The following GRM8 variants were observed in gnomAD, a reference collection of about 807,000 sequenced individuals.
The protein encoded by GRM8 is metabotropic glutamate receptor 8.
GRM8 carries 47 observed loss-of-function variants against 87.2 expected under a neutral mutation model. The observed-to-expected ratio is 0.54, with a 90% confidence interval of 0.43 to 0.69. The LOEUF (loss-of-function observed/expected upper bound fraction) is 0.69. GRM8 is among the 30% of genes least tolerant of loss of function. GRM8 has a pLI of 0.00. For missense variants in GRM8, 1,019 were observed against 1,139.2 expected, an observed-to-expected ratio of 0.89 and a Z score of 1.52; for synonymous variants, 396 against 404.5, an observed-to-expected ratio of 0.98 and a Z score of 0.25.
chr7:126,496,914 C>A (rs2150671978), intron 9 of GRM8, among the ~76,000 whole-genome samples: 1 of 151,008 alleles, frequency 6.6e-6, no homozygotes, highest in East Asian at 2.0e-4. Context: ...CTGTATACCT[C>A]TTTATGTACT....
At chr7:126,658,689 T>C (rs557720696) in intron 7 of GRM8, among the ~76,000 whole-genome samples, 2 of 151,726 alleles carry the variant, frequency 1.3e-5, no homozygotes, top group South Asian at 2.1e-4. Context: ...CCAGGGATGA[T>C]GTATGTGCTC....
At chr7:126,746,196 A>C (rs766716171) in intron 7 of GRM8, among the ~76,000 whole-genome samples, 3 of 151,800 alleles carry the variant, frequency 2.0e-5, no homozygotes, top group Non-Finnish European at 3.0e-5. Context: ...TGTGAATTAG[A>C]CAAAAATTAT....
At chr7:126,516,135 C>G (rs948895855) in intron 9 of GRM8, among the ~76,000 whole-genome samples, 10 of 152,000 alleles carry the variant, frequency 6.6e-5, no homozygotes, top group Non-Finnish European at 1.5e-5. Flanking sequence ...TTCATCTTAT[C>G]AATCTACTCT....
rs188573593 is a variant in GRM8, at chr7:126,632,582, C to T, written c.1358-23084G>A. Among the ~76,000 whole-genome samples the T allele has an allele frequency of 1.4e-4, 21 of 152,244 alleles. No homozygotes were observed. The East Asian group carries it at 4.0e-3, about 29-fold the overall frequency. On this transcript the variant is annotated intron_variant, in intron 7 of 10. Coordinates refer to ENST00000339582, the MANE Select transcript of GRM8 (RefSeq NM_000845.3). ...ATTCTATTACAAAGATACCTGCACA[C>T]ATATGTTCACTGCAACACTATTCAC...
chr7:126,702,557 A>T (rs1810052730), intron 7 of GRM8, among the ~76,000 whole-genome samples: 1 of 152,192 alleles, frequency 6.6e-6, no homozygotes, highest in Non-Finnish European at 1.5e-5. Flanking sequence ...TTATTGTCAG[A>T]CAGCACATAA....
intron 7 of GRM8, among the ~76,000 whole-genome samples, chr7:126,635,194 A>G (rs973659203): frequency 1.1e-4 from 17 of 152,112 alleles, no homozygotes; most frequent in African/African-American, 4.1e-4. Context: ...TAATTAATTC[A>G]AAAAGCTAAT....
intron 2 of GRM8, among the ~76,000 whole-genome samples, chr7:127,216,007 C>T (rs1209161843): frequency 1.2e-4 from 18 of 152,186 alleles, no homozygotes; most frequent in Non-Finnish European, 1.8e-4. Flanking sequence ...GAGAGCTTTG[C>T]CACTTTGTTA....
chr7:127,121,520 C>T lies in GRM8; in HGVS notation c.511-14808G>A, dbSNP rs145416366. 1.8e-3 allele frequency among the ~76,000 whole-genome samples: 276 copies of T among 152,196 alleles called. 7 individuals are homozygous for T. In the East Asian group the frequency reaches 0.043, roughly 24 times the overall value. ...CATCTCCGTGGTTATCTCCTCTGTA[C>T]CTATATTAGTCCACTCTCACACTGC... On this transcript the variant is annotated intron_variant, in intron 2 of 10. Transcript: ENST00000339582.
rs1808124030 is a variant in GRM8 at position 126,685,842 on chromosome 7, A to G, written c.1358-76344T>C. Among the ~76,000 whole-genome samples the G allele has an allele frequency of 6.6e-6, 1 of 151,844 alleles. No individual in the cohort carries two copies. The highest frequency in any genetic ancestry group is 2.1e-4 in the South Asian group (1 of 4,814). ...GGGGGAAGGTCCTCAGTGATGCCCT[A>G]CCTTCAAGCTGAGGAGGGCCTGAAC... On this transcript the variant is annotated intron_variant, in intron 7 of 10. Transcript: ENST00000339582. The surrounding 1 kb of genome is among the most constrained non-coding windows in gnomAD (Gnocchi z 4.2).
chr7:126,878,566 C>A (rs1799736302), intron 6 of GRM8, among the ~76,000 whole-genome samples: 1 of 145,482 alleles, frequency 6.9e-6, no homozygotes. Flanking sequence ...GTCGCACAGG[C>A]TGGAGTGCAG....
At chr7:126,451,276 AC>A (rs1456096995) in intron 9 of GRM8, among the ~76,000 whole-genome samples, 1 of 151,776 alleles carries the variant, frequency 6.6e-6, no homozygotes, top group Non-Finnish European at 1.5e-5. Context: ...TCTCATTAAT[AC>A]CGTGCTTCTA....
At chr7:127,235,588 T>C (rs1054014799) in intron 2 of GRM8, among the ~76,000 whole-genome samples, 10 of 152,192 alleles carry the variant, frequency 6.6e-5, no homozygotes, top group African/African-American at 2.2e-4. Flanking sequence ...CAGAGATTTG[T>C]AAAATAAAGT....
chr7:126,756,165 TG>T (rs754927613), intron 7 of GRM8, among the ~76,000 whole-genome samples: 2 of 151,802 alleles, frequency 1.3e-5, no homozygotes, highest in Non-Finnish European at 2.9e-5. Flanking sequence ...AAAAAAAGGA[TG>T]GGTTCAACAA....
At chr7:126,678,900 T>C (rs1048480680) in intron 7 of GRM8, among the ~76,000 whole-genome samples, 1 of 152,244 alleles carries the variant, frequency 6.6e-6, no homozygotes, top group Non-Finnish European at 1.5e-5. Context: ...GAAACTGTTT[T>C]TAAGTATAGA....
At chr7:126,652,325 T>A (rs912156659) in intron 7 of GRM8, among the ~76,000 whole-genome samples, 1 of 152,166 alleles carries the variant, frequency 6.6e-6, no homozygotes, top group Non-Finnish European at 1.5e-5. Flanking sequence ...TAATGTGTGA[T>A]CTCAGATGCG....
chr7:126,763,527 A>C (rs1817837437), intron 7 of GRM8, among the ~76,000 whole-genome samples: 1 of 132,790 alleles, frequency 7.5e-6, no homozygotes, highest in Non-Finnish European at 1.7e-5. Context: ...ATTTATCATC[A>C]TTCTATGTTT....
intron 2 of GRM8, among the ~76,000 whole-genome samples, chr7:127,163,943 T>C (rs956709348): frequency 6.6e-5 from 10 of 152,084 alleles, no homozygotes; most frequent in African/African-American, 2.4e-4. Context: ...AGATGAATGA[T>C]ATAGTTTGGA....
intron 8 of GRM8, among the ~76,000 whole-genome samples, chr7:126,574,322 C>T (rs1047649476): frequency 6.6e-6 from 1 of 152,168 alleles, no homozygotes; most frequent in African/African-American, 2.4e-5. Flanking sequence ...AGCAACTCCA[C>T]TGATTTTGGC....
At chr7:127,121,866 T>C (rs561463158) in intron 2 of GRM8, among the ~76,000 whole-genome samples, 1 of 152,264 alleles carries the variant, frequency 6.6e-6, no homozygotes, top group East Asian at 1.9e-4. Context: ...ACCTGGGGAC[T>C]ACAATTCCAC....
Sources: gnomAD v4.1 joint callset for allele counts (sites outside exome capture counted in the v4.1 genomes callset) on GRCh38, gnomAD v4.1.1 for gene constraint, Gnocchi (gnomAD v3.1) non-coding constraint, MANE v1.5 for transcripts, NCBI Gene and HGNC (gene_info 2026-07-23, HGNC 2026-07-21) for gene names.